Variants in LIMA1 observed in about 807,000 individuals in gnomAD.
The protein encoded by LIMA1 is LIM domain and actin binding 1.
In LIMA1, 52 loss-of-function variants were observed where a neutral mutation model predicts 62.6. The ratio of observed to expected loss-of-function variants is 0.83; its 90% CI spans 0.67 to 1.05. LIMA1 has a LOEUF of 1.05. Ranked by LOEUF, LIMA1 falls within the 50% of genes least tolerant of loss-of-function variation. The probability of loss-of-function intolerance (pLI) is 0.00; values close to 1 mark genes in which losing one functional copy is unlikely to be tolerated. For synonymous variants in LIMA1, 302 were observed against 317.8 expected (o/e 0.95, Z 0.53); for missense variants, 780 against 902.2 (o/e 0.86, Z 1.74).
At chr12:50,237,763 C>A (rs1941716864) in intron 2 of LIMA1, among the ~76,000 whole-genome samples, 1 of 152,074 alleles carries the variant, frequency 6.6e-6, no homozygotes, top group South Asian at 2.1e-4. Context: ...TGGAACAGAA[C>A]ACACAGCCCA....
chr12:50,264,160 C>T (rs11612788), intron 1 of LIMA1, among the ~76,000 whole-genome samples: 2 of 151,838 alleles, frequency 1.3e-5, no homozygotes, highest in African/African-American at 2.4e-5. Flanking sequence ...AGGTCCAGAA[C>T]AGGAAAATCT....
At chr12:50,217,439 T>C (rs966022997) in intron 4 of LIMA1, among the ~76,000 whole-genome samples, 1 of 151,180 alleles carries the variant, frequency 6.6e-6, no homozygotes, top group African/African-American at 2.4e-5. Context: ...GGATCCCTCA[T>C]AATTGGAGAC....
At chr12:50,278,530 A>G (rs941146250) in intron 1 of LIMA1, among the ~76,000 whole-genome samples, 4 of 152,194 alleles carry the variant, frequency 2.6e-5, no homozygotes, top group African/African-American at 7.2e-5. Context: ...ACAAAAAGCA[A>G]TTTGGGAGCA....
Position 50,178,866 on chromosome 12 carries a change from C to T in LIMA1, c.1275-797G>A, listed in dbSNP as rs113997544. On this transcript the variant is annotated intron_variant, in intron 10 of 10. Coordinates refer to ENST00000341247, the MANE Select transcript of LIMA1 (RefSeq NM_016357.5). Reference sequence around the variant, plus strand: ...CTTTCTCCACTTTGGAATGCTGACCCCATTCATTTGGAGTCAGTGTTTCTG... The same window carrying T: ...CTTTCTCCACTTTGGAATGCTGACCTCATTCATTTGGAGTCAGTGTTTCTG... 9.4e-3 allele frequency among the ~76,000 whole-genome samples: 1,427 copies of T among 152,034 alleles called. 20 individuals are homozygous for T. The highest frequency in any genetic ancestry group is 0.032 in the African/African-American group (1,331 of 41,522).
intron 1 of LIMA1, among the ~76,000 whole-genome samples, chr12:50,262,769 T>C (rs1275735710): frequency 1.3e-5 from 2 of 152,114 alleles, no homozygotes; most frequent in African/African-American, 4.8e-5. Context: ...CAGTGGGCCA[T>C]GATCACACCA....
chr12:50,271,967 A>G (rs1032962854), intron 1 of LIMA1, among the ~76,000 whole-genome samples: 1 of 152,186 alleles, frequency 6.6e-6, no homozygotes, highest in Non-Finnish European at 1.5e-5. Context: ...CTTCTTTACA[A>G]TCTCAAAGCA....
chr12:50,244,167 C>T lies in LIMA1; in HGVS notation c.119+4466G>A, dbSNP rs772607811. 1.1e-3 allele frequency among the ~76,000 whole-genome samples: 167 copies of T among 151,618 alleles called. 2 individuals are homozygous for T. Among genetic ancestry groups the T allele is most frequent in the Non-Finnish European group, 1.1e-3 (78 of 67,868 alleles). On this transcript the variant is annotated intron_variant, in intron 2 of 10. Transcript: ENST00000341247. ...AGGCTGGAGTGCAGTGGCGTGATCT[C>T]GGCTCACTGCAACCTCCGCCCCCCA...
intron 1 of LIMA1, among the ~76,000 whole-genome samples, chr12:50,254,144 A>G (rs997293847): frequency 6.6e-6 from 1 of 152,100 alleles, no homozygotes; most frequent in Non-Finnish European, 1.5e-5. Context: ...CTTCAGTCAT[A>G]TGCATTCTAC....
At chr12:50,246,806 G>A (rs1369628528) in intron 2 of LIMA1, among the ~76,000 whole-genome samples, 1 of 152,018 alleles carries the variant, frequency 6.6e-6, no homozygotes, top group African/African-American at 2.4e-5. Flanking sequence ...TCCTATCTTA[G>A]ACTCGACTCA....
At position 50,248,714 on chromosome 12, in the gene LIMA1, G is replaced by C; in HGVS notation, c.38C>G (p.Ser13Ter). 1 of 1,612,784 alleles carries C rather than the reference G, an allele frequency of 6.2e-7. No homozygotes were observed. Among genetic ancestry groups the C allele is most frequent in the Non-Finnish European group, 8.5e-7 (1 of 1,178,778 alleles). Residue 13 changes from serine (S) to a stop codon, truncating the protein, a stop_gained, in exon 2 of 11, where the codon TCA (serine) becomes TGA (stop). Coordinates refer to ENST00000341247, the MANE Select transcript of LIMA1 (RefSeq NM_016357.5). LOFTEE classifies it high-confidence loss of function. Reference sequence around the variant, plus strand: ...TTTGGCTGTTACCCTCAATGATAGTGAGGTCCATTGCCGTCTATTAAATGG... The same window carrying C: ...TTTGGCTGTTACCCTCAATGATAGTCAGGTCCATTGCCGTCTATTAAATGG... The part of the protein sequence containing the change: ...SSPFNRRQWT[S>*]LSLRVTAKEL...
At chr12:50,195,731 T>C (rs1940912847) in intron 8 of LIMA1, 99 bp downstream of exon 8, 2 of 1,165,088 alleles carry the variant, frequency 1.7e-6, no homozygotes, top group Non-Finnish European at 2.4e-6. Context: ...GGATTTACTA[T>C]GTTATTTTCT....
At chr12:50,182,096 G>A (rs1248305052) in intron 9 of LIMA1, 59 bp from the exon 10 acceptor site, 2 of 1,590,844 alleles carry the variant, frequency 1.3e-6, no homozygotes, top group African/African-American at 1.3e-5. Flanking sequence ...ACTGTCTTGA[G>A]ATGGACCCTA....
intron 1 of LIMA1, among the ~76,000 whole-genome samples, chr12:50,267,552 G>C (rs947566942): frequency 1.4e-5 from 2 of 146,382 alleles, no homozygotes; most frequent in Admixed American, 6.9e-5. Context: ...ACAGAGTCTC[G>C]CTCTGTCGCC....
chr12:50,274,931 A>G (rs746948649), intron 1 of LIMA1, among the ~76,000 whole-genome samples: 2 of 152,212 alleles, frequency 1.3e-5, no homozygotes, highest in Non-Finnish European at 2.9e-5. Flanking sequence ...TGACACAGAG[A>G]TGAGTAGTAG....
chr12:50,237,529 C>T (rs79659215), intron 2 of LIMA1, among the ~76,000 whole-genome samples: 2,261 of 152,122 alleles, frequency 0.015, 48 homozygotes, highest in African/African-American at 0.05. Flanking sequence ...CCCAGCAACT[C>T]GAGCGGCTGA....
intron 1 of LIMA1, among the ~76,000 whole-genome samples, chr12:50,268,875 G>C (rs1327285611): frequency 6.6e-6 from 1 of 152,154 alleles, no homozygotes; most frequent in Non-Finnish European, 1.5e-5. Context: ...TAATGTCCAT[G>C]TTCTAATGAC....
At chr12:50,197,849 A>C (rs1224212574) in intron 7 of LIMA1, among the ~76,000 whole-genome samples, 1 of 152,062 alleles carries the variant, frequency 6.6e-6, no homozygotes, top group Non-Finnish European at 1.5e-5. Context: ...AAACTTCAAA[A>C]ATATTTAGTC....
chr12:50,254,083 C>A (rs1483217247), intron 1 of LIMA1, among the ~76,000 whole-genome samples: 1 of 151,516 alleles, frequency 6.6e-6, no homozygotes, highest in African/African-American at 2.4e-5. Context: ...CACACAGTCT[C>A]TCTCAGATAT....
chr12:50,270,961 G>A (rs943283331), intron 1 of LIMA1, among the ~76,000 whole-genome samples: 12 of 152,094 alleles, frequency 7.9e-5, no homozygotes, highest in East Asian at 7.7e-4. Flanking sequence ...GCGTGGTGGC[G>A]GGTGCCTATG....
Sources: allele counts gnomAD v4.1 joint callset (sites outside exome capture counted in the v4.1 genomes callset), GRCh38; gene constraint gnomAD v4.1.1; transcripts MANE v1.5; gene names NCBI Gene and HGNC (gene_info 2026-07-23, HGNC 2026-07-21).